Variants in CFAP47 observed in about 807,000 individuals in gnomAD.
CFAP47 encodes cilia and flagella associated protein 47.
Under a neutral mutation model 148.1 loss-of-function variants are expected in CFAP47, and 29 were observed. The observed-to-expected ratio is 0.20, with a 90% CI of 0.15 to 0.27. The LOEUF (loss-of-function observed/expected upper bound fraction) is 0.27, where lower values mean the gene tolerates loss of function less well. Ranked by LOEUF, CFAP47 falls within the 10% of genes least tolerant of loss-of-function variation. The pLI, the probability that CFAP47 is intolerant of heterozygous loss-of-function variation, is 1.00. For missense variants in CFAP47, 1,872 were observed against 1,697.5 expected (o/e 1.10, Z -1.81); for synonymous variants, 664 against 577.3 (o/e 1.15, Z -2.15).
intron 15 of CFAP47, among the ~76,000 whole-genome samples, chrX:35,984,267 GT>G (rs770651309): frequency 4.6e-4 from 50 of 109,742 alleles, no homozygotes; most frequent in African/African-American, 1.3e-3. Flanking sequence ...TGTAATATAA[GT>G]TTTTTTTTGT....
intron 40 of CFAP47, among the ~76,000 whole-genome samples, chrX:36,181,759 C>T (rs141489537): frequency 4.6e-4 from 51 of 111,705 alleles, no homozygotes; most frequent in Non-Finnish European, 7.0e-4. Context: ...TAAAATACTA[C>T]GGATTTACTC....
chrX:35,972,533 C>A (rs1431153330), intron 13 of CFAP47, among the ~76,000 whole-genome samples: 1 of 111,604 alleles, frequency 9.0e-6, no homozygotes, highest in Non-Finnish European at 1.9e-5. Flanking sequence ...GCACCCCGCC[C>A]AGTTACTATT....
chrX:36,150,682 C>T (rs1939297438), intron 37 of CFAP47, among the ~76,000 whole-genome samples: 1 of 110,933 alleles, frequency 9.0e-6, no homozygotes, highest in African/African-American at 3.3e-5. Context: ...TCAACAGTGC[C>T]CTTGTTTCGT....
chrX:36,377,638 T>C (rs1442866230), intron 62 of CFAP47, among the ~76,000 whole-genome samples: 1 of 111,920 alleles, frequency 8.9e-6, no homozygotes. Flanking sequence ...GTGTCTTCAT[T>C]TGTGGAAGGA....
chrX:36,347,461 A>T (rs1022898362), intron 57 of CFAP47, among the ~76,000 whole-genome samples: 1 of 112,243 alleles, frequency 8.9e-6, no homozygotes, highest in African/African-American at 3.2e-5. Context: ...AAATCCTTCT[A>T]TGATAAAGAC....
At chrX:36,219,323 T>C (rs965476021) in intron 45 of CFAP47, among the ~76,000 whole-genome samples, 2 of 111,612 alleles carry the variant, frequency 1.8e-5, no homozygotes, top group Non-Finnish European at 3.8e-5. Context: ...TCATCAGTCT[T>C]ATGATATCTA....
Position 35,966,608 on chromosome X carries a change from A to C in CFAP47, c.1454A>C (p.Lys485Thr). The C allele has an allele frequency of 8.8e-7, 1 of 1,134,304 alleles. No individual in the cohort carries two copies. The highest frequency in any genetic ancestry group is 1.8e-5 in the African/African-American group (1 of 54,549). 93.5% of individuals were successfully genotyped at this position (1,134,304 alleles called of 1,213,427 possible). Residue 485 changes from lysine (K) to threonine (T), a missense_variant, in exon 9 of 64, where the codon AAA becomes ACA. Coordinates refer to ENST00000378653, the MANE Select transcript of CFAP47 (RefSeq NM_001304548.2). ...GTTCCACATCAACTTGGAGTCTTCA[A>C]AGTGAAGCAGATGATAGAGATTATT... Reference protein sequence around the residue: ...SFVPHQLGVFKVKQMIEIIGL... With the variant: ...SFVPHQLGVFTVKQMIEIIGL...
rs763846805 is a variant in CFAP47 at position 36,046,962 on chromosome X, C to T, written c.4116C>T (p.His1372=). 1.0e-5 allele frequency: 12 copies of T among 1,160,950 alleles called. No individual in the cohort carries two copies. Among genetic ancestry groups the T allele is most frequent in the African/African-American group, 3.6e-5 (2 of 55,485 alleles). Reference sequence around the variant, plus strand: ...AAGGCAGAGTCATCCCAGGCTCTCACAGTGGAATTAATAATAAGCTCACTT... The same window carrying T: ...AAGGCAGAGTCATCCCAGGCTCTCATAGTGGAATTAATAATAAGCTCACTT... ...FPKGRVIPGS[H]SGINNKLTCH... Residue 1372 remains histidine, a synonymous_variant, in exon 26 of 64, where the codon CAC becomes CAT. Transcript: ENST00000378653.
intron 51 of CFAP47, among the ~76,000 whole-genome samples, chrX:36,291,872 T>C (rs1454013831): frequency 9.0e-6 from 1 of 111,192 alleles, no homozygotes; most frequent in Non-Finnish European, 1.9e-5. Context: ...AATAAATACA[T>C]AGAGAGTACA....
intron 15 of CFAP47, among the ~76,000 whole-genome samples, chrX:35,980,866 T>A (rs1232373481): frequency 1.8e-5 from 2 of 110,740 alleles, no homozygotes; most frequent in Non-Finnish European, 3.8e-5. Flanking sequence ...CCCCAAGTAT[T>A]TTTTACGTGT....
intron 22 of CFAP47, among the ~76,000 whole-genome samples, chrX:36,020,407 G>T (rs766900933): frequency 8.9e-6 from 1 of 111,809 alleles, no homozygotes; most frequent in East Asian, 2.8e-4. Context: ...CTGTTTGGGA[G>T]ATCTGTCCAA....
intron 8 of CFAP47, among the ~76,000 whole-genome samples, chrX:35,963,328 TTTAA>T (rs1182630833): frequency 9.1e-6 from 1 of 109,401 alleles, no homozygotes; most frequent in Non-Finnish European, 1.9e-5. Context: ...TTTAGCTTTA[TTTAA>T]TTGTTTCAAA....
At chrX:36,241,537 C>A (rs782069478) in intron 48 of CFAP47, among the ~76,000 whole-genome samples, 1 of 112,152 alleles carries the variant, frequency 8.9e-6, no homozygotes, top group South Asian at 3.7e-4. Flanking sequence ...GTGCTTTGCT[C>A]CAACTGAGTA....
intron 62 of CFAP47, chrX:36,374,787 A>G: frequency 3.9e-6 from 3 of 765,359 alleles, no homozygotes; most frequent in Non-Finnish European, 5.9e-6. Context: ...AATATGTATT[A>G]CATCTCTAGA....
At chrX:36,101,569 C>G (rs1938376651) in intron 32 of CFAP47, among the ~76,000 whole-genome samples, 1 of 111,875 alleles carries the variant, frequency 8.9e-6, no homozygotes, top group South Asian at 3.7e-4. Flanking sequence ...ATCTGGTACA[C>G]TATCCTCATC....
At chrX:35,923,823 A>C (rs1036190785) in intron 1 of CFAP47, among the ~76,000 whole-genome samples, 1 of 97,952 alleles carries the variant, frequency 1.0e-5, no homozygotes, top group Non-Finnish European at 2.0e-5. Context: ...CGTCTGAAAA[A>C]AAAAAGTGTA....
At chrX:36,070,504 T>TG (rs1264395762) in intron 27 of CFAP47, among the ~76,000 whole-genome samples, 1 of 104,062 alleles carries the variant, frequency 9.6e-6, no homozygotes, top group East Asian at 2.9e-4. Flanking sequence ...TCCTTTTTTT[T>TG]TTTTTTTTTT....
At position 35,951,237 on chromosome X, in the gene CFAP47, A is replaced by C. The variant is rs1372187222; in HGVS notation, c.763A>C (p.Ile255Leu). 5 of 1,207,415 alleles carry C rather than the reference A, an allele frequency of 4.1e-6. No homozygotes were observed. Among genetic ancestry groups the C allele is most frequent in the Admixed American group, 2.2e-5 (1 of 45,666 alleles). ...SMSSDRRLEC[I>L]HFGPVFFGSS... ...GAGTAGTGACAGAAGGCTGGAATGC[A>C]TACACTTTGGTCCTGTTTTCTTCGG... Residue 255 changes from isoleucine to leucine, a missense_variant, in exon 5 of 64, where the codon ATA (isoleucine) becomes CTA (leucine). Coordinates refer to ENST00000378653, the MANE Select transcript of CFAP47 (RefSeq NM_001304548.2).
Position 36,039,163 on chromosome X carries a change from C to T in CFAP47, c.3991C>T (p.Pro1331Ser), listed in dbSNP as rs916910864. 4 of 1,052,183 alleles carry T rather than the reference C, an allele frequency of 3.8e-6. No individual in the cohort carries two copies. Among genetic ancestry groups the T allele is most frequent in the Non-Finnish European group, 5.1e-6 (4 of 790,711 alleles). The allele number at this position is 1,052,183 out of a possible 1,213,427, so 86.7% of individuals were successfully genotyped here. The change falls in exon 25 of 64, where the codon CCT becomes TCT. Residue 1331 changes from proline (P) to serine (S), a missense_variant. Physicochemically the swap from Pro to Ser is moderately conservative, Grantham distance 74 (BLOSUM62 -1). Transcript: ENST00000378653. ...AACTGTAATGGATATCAACATTTTA[C>T]CTCAAAACTATTTCAGGTAAATACT... Reference protein sequence around the residue: ...ITTVMDINILPQNYFRNSTLC... With the variant: ...ITTVMDINILSQNYFRNSTLC...
Sources: allele counts gnomAD v4.1 joint callset (sites outside exome capture counted in the v4.1 genomes callset), GRCh38; gene constraint gnomAD v4.1.1; transcripts MANE v1.5; gene names NCBI Gene and HGNC (gene_info 2026-07-23, HGNC 2026-07-21).